Variants in NOM1 observed in about 807,000 individuals in gnomAD.
NOM1 encodes nucleolar protein with MIF4G domain 1.
NOM1 carries 58 observed loss-of-function variants against 73.3 expected under a neutral mutation model. That is an observed-to-expected ratio of 0.79 (90% confidence interval 0.64 to 0.99). The LOEUF (loss-of-function observed/expected upper bound fraction) is 0.99, where lower values mean the gene tolerates loss of function less well. Ranked by LOEUF, NOM1 falls within the 50% of genes least tolerant of loss-of-function variation. The probability of loss-of-function intolerance (pLI) is 0.00; values close to 1 mark genes in which losing one functional copy is unlikely to be tolerated. For synonymous variants in NOM1, 487 were observed against 446.8 expected, an observed-to-expected ratio of 1.09 and a Z score of -1.14; for missense variants, 1,226 against 1,131.9, an observed-to-expected ratio of 1.08 and a Z score of -1.19.
rs752067057 is a variant in NOM1, at chr7:156,963,996, AT to A, written c.2009del (p.Leu670TrpfsTer8). The part of the protein sequence containing the change: ...NIFCTIMTSE[D>X]FLDAFEKLLK... Reference sequence around the variant, plus strand: ...TTCTGCACAATAATGACAAGTGAAGATTTTTTGGATGCTTTTGAAAAGCTTC... The same window carrying A: ...TTCTGCACAATAATGACAAGTGAAGATTTTTGGATGCTTTTGAAAAGCTTC... On this transcript the variant is annotated frameshift_variant, in exon 7 of 11. Transcript: ENST00000275820. LOFTEE classifies it high-confidence loss of function. 104 of 1,613,832 alleles carry A rather than the reference AT, an allele frequency of 6.4e-5. No homozygotes were observed. Among genetic ancestry groups the A allele is most frequent in the Non-Finnish European group, 8.5e-5 (100 of 1,179,880 alleles).
chr7:156,963,834 A>G (rs1276919008), intron 6 of NOM1, 71 bp from the exon 7 acceptor site: 1 of 1,545,612 alleles, frequency 6.5e-7, no homozygotes, highest in Non-Finnish European at 8.8e-7. Flanking sequence ...ACTGAAGTAC[A>G]GTTTGGCACC....
At chr7:156,952,311 A>G (rs1415361355) in intron 1 of NOM1, among the ~76,000 whole-genome samples, 163 bp from the exon 2 acceptor site, 6 of 152,228 alleles carry the variant, frequency 3.9e-5, no homozygotes, top group South Asian at 2.1e-4. Context: ...ATGTTTACCC[A>G]TATACTAAGC....
Position 156,950,200 on chromosome 7 carries a change from GC to G in NOM1, c.465del (p.Ala156ProfsTer21). 6.2e-7 allele frequency: 1 copy of G among 1,609,512 alleles called. No individual in the cohort carries two copies. Among genetic ancestry groups the G allele is most frequent in the Non-Finnish European group, 8.5e-7 (1 of 1,179,440 alleles). ...RPSRVKAKAT[A>X]ATAKTRPSAA... is the part of the protein sequence containing the mutation. ...GTCCCGGGTCAAGGCCAAGGCCACG[GC>G]CGCCACCGCAAAGACCAGACCCTCC... is the stretch of plus-strand genomic sequence containing the variant. On this transcript the variant is annotated frameshift_variant, in exon 1 of 11. Coordinates refer to ENST00000275820, the MANE Select transcript of NOM1 (RefSeq NM_138400.2). LOFTEE classifies it high-confidence loss of function.
In NOM1 at chr7:156,949,866, G is replaced by A. The variant is rs956165052; in HGVS notation, c.129G>A (p.Lys43=). The A allele has an allele frequency of 5.3e-6, 8 of 1,513,696 alleles. No homozygotes were observed. The highest frequency in any genetic ancestry group is 1.7e-4 in the Middle Eastern group (1 of 5,828). The allele number at this position is 1,513,696 out of a possible 1,614,324, so 93.8% of individuals were successfully genotyped here. Residue 43 remains lysine (K), a synonymous_variant, in exon 1 of 11, where the codon AAG becomes AAA. Coordinates refer to ENST00000275820, the MANE Select transcript of NOM1 (RefSeq NM_138400.2). ...GPAGGGEKAL[K]RLKLAVEEFV... ...CTGGCGGTGGGGAGAAGGCCCTGAA[G>A]AGGCTGAAGCTAGCGGTGGAGGAGT...
intron 8 of NOM1, 98 bp downstream of exon 8, chr7:156,966,500 G>C: frequency 7.0e-7 from 1 of 1,421,624 alleles, no homozygotes; most frequent in Non-Finnish European, 9.7e-7. Context: ...CCCAAGTCAG[G>C]AGGCCCCTGA....
intron 3 of NOM1, among the ~76,000 whole-genome samples, chr7:156,956,325 C>T (rs138397792): frequency 7.9e-5 from 12 of 152,270 alleles, no homozygotes; most frequent in Non-Finnish European, 1.5e-4. Context: ...CGCGCACGGT[C>T]TGTGTCACTT....
chr7:156,967,909 C>CAA (rs34244970), intron 9 of NOM1, among the ~76,000 whole-genome samples: 1 of 146,586 alleles, frequency 6.8e-6, no homozygotes, highest in Non-Finnish European at 1.5e-5. Flanking sequence ...TCTGAATAGC[C>CAA]AAAAAAAAAA....
At chr7:156,958,322 C>T (rs143404196) in intron 3 of NOM1, among the ~76,000 whole-genome samples, 1,758 of 152,322 alleles carry the variant, frequency 0.012, 34 homozygotes, top group African/African-American at 0.041. Context: ...CTGGGAGTCA[C>T]AGATCCTTCA....
At chr7:156,955,972 C>T (rs967501892) in intron 3 of NOM1, among the ~76,000 whole-genome samples, 1 of 151,942 alleles carries the variant, frequency 6.6e-6, no homozygotes, top group East Asian at 1.9e-4. Flanking sequence ...GGGTGGATCA[C>T]GAGGTCAGGA....
In NOM1 at chr7:156,963,127, G is replaced by A; in HGVS notation, c.1863G>A (p.Met621Ile). ...GGTCCGCCTGGAGTGGGGCCCCGAT[G>A]ATCGACAACAGTCACCATACGCACC... The part of the protein sequence containing the change: ...IVGSAWSGAP[M>I]IDNSHHTHLQ... The change falls in exon 6 of 11, where the codon ATG (methionine) becomes ATA (isoleucine). Residue 621 changes from methionine to isoleucine, a missense_variant. Physicochemically the swap from Met to Ile is conservative, Grantham distance 10. Transcript: ENST00000275820. 5.6e-6 allele frequency: 9 copies of A among 1,614,170 alleles called. No homozygotes were observed. The highest frequency in any genetic ancestry group is 7.6e-6 in the Non-Finnish European group (9 of 1,180,034).
chr7:156,950,098 G>A lies in NOM1; in HGVS notation c.361G>A (p.Gly121Ser). The A allele has an allele frequency of 6.5e-7, 1 of 1,548,856 alleles. No individual in the cohort carries two copies. The highest frequency in any genetic ancestry group is 8.7e-7 in the Non-Finnish European group (1 of 1,149,254). Residue 121 changes from glycine to serine, a missense_variant, in exon 1 of 11, where the codon GGT becomes AGT. Coordinates refer to ENST00000275820, the MANE Select transcript of NOM1 (RefSeq NM_138400.2). ...GGRSGAEEAS[G>S]HRQDTEERAR... ...CCGAAGCGGAGCCGAAGAAGCCAGCGGTCACCGGCAGGACACGGAGGAGCG... is the reference window on the plus strand; with the variant it reads ...CCGAAGCGGAGCCGAAGAAGCCAGCAGTCACCGGCAGGACACGGAGGAGCG...
chr7:156,969,642 TGA>T lies in NOM1; in HGVS notation c.2529_2530del (p.Lys844SerfsTer2). 2.5e-6 allele frequency: 4 copies of T among 1,613,984 alleles called. No individual in the cohort carries two copies. The highest frequency in any genetic ancestry group is 3.4e-6 in the Non-Finnish European group (4 of 1,179,940). On this transcript the variant is annotated frameshift_variant, in exon 11 of 11. Coordinates refer to ENST00000275820, the MANE Select transcript of NOM1 (RefSeq NM_138400.2). LOFTEE classifies it low-confidence loss of function (END_TRUNC). Reference sequence around the variant, plus strand: ...AGAAGCGCCGACGAAGCCAACGTGCTGAGAGAGAAAGCTGACCTTGCAACGAA... The same window carrying T: ...AGAAGCGCCGACGAAGCCAACGTGCTGAGAGAAAGCTGACCTTGCAACGAA...
intron 1 of NOM1, 50 bp downstream of exon 1, chr7:156,950,774 G>T (rs1050507207): frequency 1.8e-5 from 27 of 1,485,796 alleles, no homozygotes; most frequent in Non-Finnish European, 2.4e-5. Context: ...TCAAAATAAC[G>T]GGACAGGGAA....
chr7:156,965,342 TC>T (rs1188586016), intron 7 of NOM1, among the ~76,000 whole-genome samples: 4 of 152,186 alleles, frequency 2.6e-5, no homozygotes, highest in Non-Finnish European at 4.4e-5. Flanking sequence ...AGGGGCAAAC[TC>T]CCAAGGCCCC....
At chr7:156,968,972 G>T in intron 9 of NOM1, 115 bp from the exon 10 acceptor site, 1 of 665,738 alleles carries the variant, frequency 1.5e-6, no homozygotes, top group South Asian at 1.6e-5. Context: ...CTTAAATCGG[G>T]TAGAGTGGGG....
intron 9 of NOM1, chr7:156,968,689 A>G (rs1381337003): frequency 2.7e-3 from 1 of 372 alleles, no homozygotes; most frequent in Non-Finnish European, 8.8e-3. Context: ...AGTAAATTTT[A>G]TATATATATA....
intron 3 of NOM1, among the ~76,000 whole-genome samples, chr7:156,955,120 C>T (rs149981768): frequency 3.3e-5 from 5 of 152,294 alleles, no homozygotes; most frequent in East Asian, 1.9e-4. Flanking sequence ...ATCTGGCACC[C>T]GACAGGTGCT....
chr7:156,969,080 C>T lies in NOM1; in HGVS notation c.2299-7C>T. 7.0e-7 allele frequency: 1 copy of T among 1,428,828 alleles called. No homozygotes were observed. Among genetic ancestry groups the T allele is most frequent in the Non-Finnish European group, 9.9e-7 (1 of 1,009,964 alleles). 88.5% of individuals were successfully genotyped at this position (1,428,828 alleles called of 1,614,324 possible). A position where few individuals can be genotyped will look rare whatever the true frequency, so the allele number is the denominator to read the frequency against. ...AACTTTATTTTTCTCCATGTCCTGA[C>T]CATTAGGTAGTTGAATTCAGTGAAT... is the stretch of plus-strand genomic sequence containing the variant. On this transcript the variant is annotated splice_polypyrimidine_tract_variant and splice_region_variant and intron_variant, in intron 9 of 10. Coordinates refer to ENST00000275820, the MANE Select transcript of NOM1 (RefSeq NM_138400.2).
rs1342880235 is a variant in NOM1, at chr7:156,972,963, T to C, written c.*3260T>C. Reference sequence around the variant, plus strand: ...TAAATATATAGGGGGTTTTTTGAAATTTATTACAGTGCAATTGAAAATACA... The same window carrying C: ...TAAATATATAGGGGGTTTTTTGAAACTTATTACAGTGCAATTGAAAATACA... On this transcript the variant is annotated 3_prime_UTR_variant, in exon 11 of 11. Coordinates refer to ENST00000275820, the MANE Select transcript of NOM1 (RefSeq NM_138400.2). The C allele has an allele frequency of 6.6e-6, 1 of 152,234 alleles. No individual in the cohort carries two copies. Among genetic ancestry groups the C allele is most frequent in the East Asian group, 1.9e-4 (1 of 5,200 alleles). 9.4% of individuals were successfully genotyped at this position (152,234 alleles called of 1,614,324 possible).
Sources: gnomAD v4.1 joint callset for allele counts (sites outside exome capture counted in the v4.1 genomes callset) on GRCh38, gnomAD v4.1.1 for gene constraint, MANE v1.5 for transcripts, NCBI Gene and HGNC (gene_info 2026-07-23, HGNC 2026-07-21) for gene names.